CACNA1B: variants seen among roughly 807,000 people sequenced by gnomAD.
CACNA1B encodes calcium voltage-gated channel subunit alpha1 B.
CACNA1B carries 70 observed loss-of-function variants against 247.2 expected under a neutral mutation model. That is an observed-to-expected ratio of 0.28 (90% confidence interval 0.23 to 0.35). The LOEUF (loss-of-function observed/expected upper bound fraction) is 0.35. Ranked by LOEUF, CACNA1B falls within the 10% of genes least tolerant of loss-of-function variation. CACNA1B has a pLI of 1.00. For synonymous variants in CACNA1B, 1,231 were observed against 1,294.4 expected, an observed-to-expected ratio of 0.95 and a Z score of 1.05; for missense variants, 2,367 against 3,197.4, an observed-to-expected ratio of 0.74 and a Z score of 6.26.
At chr9:137,893,578 G>A (rs1957135503) in intron 3 of CACNA1B, among the ~76,000 whole-genome samples, 1 of 151,418 alleles carries the variant, frequency 6.6e-6, no homozygotes, top group African/African-American at 2.4e-5. Flanking sequence ...TTGAACCCAG[G>A]AGGCGAAGCT....
In CACNA1B at chr9:138,102,811, G is replaced by T; in HGVS notation, c.5319+4G>T. ...CCCTGCTCGAGTTGCTTACAAGGTA[G>T]ACCCTGACCCTGCAACCCGCCCCCC... On this transcript the variant is annotated splice_donor_region_variant and intron_variant, in intron 38 of 46. Transcript: ENST00000371372. The surrounding 1 kb of genome is among the most constrained non-coding windows in gnomAD (Gnocchi z 5.4). 1 of 1,587,118 alleles carries T rather than the reference G, an allele frequency of 6.3e-7. No individual in the cohort carries two copies. Among genetic ancestry groups the T allele is most frequent in the Non-Finnish European group, 8.6e-7 (1 of 1,157,242 alleles).
intron 11 of CACNA1B, among the ~76,000 whole-genome samples, chr9:137,972,031 G>C (rs181987686): frequency 2.0e-5 from 3 of 152,242 alleles, no homozygotes; most frequent in Admixed American, 6.5e-5. Context: ...GGTTCCTGAG[G>C]GGGGAGTCCT....
Position 138,081,367 on chromosome 9 carries a change from C to T in CACNA1B, c.5094+3109C>T, listed in dbSNP as rs1263218861. Among the ~76,000 whole-genome samples, 6 of 152,358 alleles carry T rather than the reference C, an allele frequency of 3.9e-5. No homozygotes were observed. In the South Asian group the frequency reaches 8.3e-4, roughly 21 times the overall value. Reference sequence around the variant, plus strand: ...CATGGTTCTTGGCTAACCCTGGTGTCTCCTTACTGAAACTGTAATCCTAAT... The same window carrying T: ...CATGGTTCTTGGCTAACCCTGGTGTTTCCTTACTGAAACTGTAATCCTAAT... On this transcript the variant is annotated intron_variant, in intron 36 of 46. Transcript: ENST00000371372.
At chr9:138,103,839 G>T (rs1195668686) in intron 38 of CACNA1B, among the ~76,000 whole-genome samples, 2 of 152,234 alleles carry the variant, frequency 1.3e-5, no homozygotes, top group Non-Finnish European at 2.9e-5. Flanking sequence ...GTCCACACTG[G>T]CTCTGTGCCC....
At position 137,913,306 on chromosome 9, in the gene CACNA1B, G is replaced by C; in HGVS notation, c.622+35G>C. The stretch of plus-strand genomic sequence containing the variant: ...GCGAAGACAGGCCCAAGCCGGCTTG[G>C]AGTAACAACCTCCTCTCCTACCCTC... On this transcript the variant is annotated intron_variant, in intron 4 of 46. Coordinates refer to ENST00000371372, the MANE Select transcript of CACNA1B (RefSeq NM_000718.4). This position sits in a 1 kb window ranked among gnomAD's most constrained non-coding sequence, Gnocchi z 5.2. The C allele has an allele frequency of 6.6e-7, 1 of 1,523,282 alleles. No homozygotes were observed. The highest frequency in any genetic ancestry group is 9.1e-7 in the Non-Finnish European group (1 of 1,098,298). The allele number at this position is 1,523,282 out of a possible 1,614,324, so 94.4% of individuals were successfully genotyped here. A position where few individuals can be genotyped will look rare whatever the true frequency, so the allele number is the denominator to read the frequency against.
chr9:138,123,922 C>T lies in CACNA1B; in HGVS notation c.*1923C>T, dbSNP rs1211416615. The T allele has an allele frequency of 6.6e-6, 1 of 152,148 alleles. No individual in the cohort carries two copies. The highest frequency in any genetic ancestry group is 1.5e-5 in the Non-Finnish European group (1 of 68,034). The allele number at this position is 152,148 out of a possible 1,614,324, so 9.4% of individuals were successfully genotyped here. On this transcript the variant is annotated 3_prime_UTR_variant, in exon 47 of 47. Transcript: ENST00000371372. ...ACGTTTTGTCTCTTGTTCCCCAGCC[C>T]CCAGCCCATGTTATCTTGGGTGTCG...
Position 138,112,981 on chromosome 9 carries a change from A to G in CACNA1B, c.5536+476A>G, listed in dbSNP as rs145216615. 1.9e-3 allele frequency among the ~76,000 whole-genome samples: 278 copies of G among 145,408 alleles called. 1 individual carries two copies. Among genetic ancestry groups the G allele is most frequent in the African/African-American group, 6.8e-3 (261 of 38,554 alleles). On this transcript the variant is annotated intron_variant, in intron 40 of 46. Coordinates refer to ENST00000371372, the MANE Select transcript of CACNA1B (RefSeq NM_000718.4). ...GTGAGGGAGCATGGGGAGGTGCCCA[A>G]CTGCATCTCGTGGGAGACGTGAGGG...
In CACNA1B at chr9:137,971,699, C is replaced by G. The variant is rs969647420; in HGVS notation, c.1543+107C>G. On this transcript the variant is annotated intron_variant, in intron 11 of 46. Transcript: ENST00000371372. The surrounding 1 kb of genome is among the most constrained non-coding windows in gnomAD (Gnocchi z 4.4). ...TACCCCAGGTGGGACGGGACCCACC[C>G]CCATGTTGCTCAAAGTATCCCACAG... is the stretch of plus-strand genomic sequence containing the variant. The G allele has an allele frequency of 4.4e-6, 4 of 901,428 alleles. No individual in the cohort carries two copies. In the African/African-American group the frequency reaches 6.6e-5, roughly 15 times the overall value. The allele number at this position is 901,428 out of a possible 1,614,324, so 55.8% of individuals were successfully genotyped here. A position where few individuals can be genotyped will look rare whatever the true frequency, so the allele number is the denominator to read the frequency against.
At chr9:137,918,876 G>T (rs1957446885) in intron 6 of CACNA1B, among the ~76,000 whole-genome samples, 1 of 152,228 alleles carries the variant, frequency 6.6e-6, no homozygotes, top group Admixed American at 6.5e-5. Flanking sequence ...CTGATGACAG[G>T]CTTGTGTGAT....
chr9:138,061,919 G>C (rs116311852), intron 31 of CACNA1B, among the ~76,000 whole-genome samples: 2,412 of 152,350 alleles, frequency 0.016, 55 homozygotes, highest in African/African-American at 0.055. Context: ...ATGCTGCTGA[G>C]AGGCTCTTGG....
In CACNA1B at chr9:137,882,531, C is replaced by A. The variant is rs1194685138; in HGVS notation, c.391-213C>A. On this transcript the variant is annotated intron_variant, in intron 2 of 46. Coordinates refer to ENST00000371372, the MANE Select transcript of CACNA1B (RefSeq NM_000718.4). This position sits in a 1 kb window ranked among gnomAD's most constrained non-coding sequence, Gnocchi z 4.0. ...TGTTGCTGCTGTAAACAGTGGTGTC[C>A]CCATTAGGGGACATGTGCAGACAGC... Among the ~76,000 whole-genome samples the A allele has an allele frequency of 1.3e-5, 2 of 152,112 alleles. No individual in the cohort carries two copies. The highest frequency in any genetic ancestry group is 4.8e-5 in the African/African-American group (2 of 41,430).
chr9:137,946,890 G>T (rs188638135), intron 6 of CACNA1B, among the ~76,000 whole-genome samples: 235 of 152,262 alleles, frequency 1.5e-3, no homozygotes, highest in Non-Finnish European at 3.0e-3. Context: ...TTACCGGGGG[G>T]GTCTTGACTA....
chr9:138,047,373 G>C, intron 22 of CACNA1B, 26 bp from the exon 23 acceptor site: 2 of 1,580,504 alleles, frequency 1.3e-6, no homozygotes, highest in Non-Finnish European at 1.7e-6. Context: ...CCCAGCCTTT[G>C]AGAATAACCT....
intron 20 of CACNA1B, among the ~76,000 whole-genome samples, chr9:138,028,118 G>A (rs529892924): frequency 6.8e-6 from 1 of 147,266 alleles, no homozygotes; most frequent in Non-Finnish European, 1.5e-5. Flanking sequence ...TGCCTCCCAG[G>A]TTCAAGCAAT....
chr9:138,093,094 T>C (rs1326516419), intron 36 of CACNA1B, among the ~76,000 whole-genome samples: 1 of 151,926 alleles, frequency 6.6e-6, no homozygotes, highest in African/African-American at 2.4e-5. Flanking sequence ...CCCAGTAGAA[T>C]TGGTATTACT....
rs1391718173 is a variant in CACNA1B at position 138,051,893 on chromosome 9, C to G, written c.3711-199C>G. 1.3e-5 allele frequency among the ~76,000 whole-genome samples: 2 copies of G among 152,132 alleles called. No homozygotes were observed. The highest frequency in any genetic ancestry group is 2.4e-5 in the African/African-American group (1 of 41,424). Reference sequence around the variant, plus strand: ...CCCCAGCTCCTGTCCTTAGATGAGGCCCGGGCCAGGCAGCCCCTGGGAAGA... The same window carrying G: ...CCCCAGCTCCTGTCCTTAGATGAGGGCCGGGCCAGGCAGCCCCTGGGAAGA... On this transcript the variant is annotated intron_variant, in intron 24 of 46. Transcript: ENST00000371372. This position sits in a 1 kb window ranked among gnomAD's most constrained non-coding sequence, Gnocchi z 4.3.
chr9:138,093,332 C>T (rs867017186), intron 36 of CACNA1B, among the ~76,000 whole-genome samples: 11 of 139,044 alleles, frequency 7.9e-5, no homozygotes, highest in South Asian at 2.4e-4. Context: ...GCATGAGAAT[C>T]GCTTGAACCC....
At position 137,907,966 on chromosome 9, in the gene CACNA1B, C is replaced by T. The variant is rs533935664; in HGVS notation, c.531-5214C>T. ...TTTCCATGATTTGGAACGGCGCCAC[C>T]GCCTTTGTCAAACACCCGGTTTCAT... On this transcript the variant is annotated intron_variant, in intron 3 of 46. Coordinates refer to ENST00000371372, the MANE Select transcript of CACNA1B (RefSeq NM_000718.4). Among the ~76,000 whole-genome samples, 7 of 152,328 alleles carry T rather than the reference C, an allele frequency of 4.6e-5. No homozygotes were observed. The East Asian group carries it at 9.6e-4, about 21-fold the overall frequency.
chr9:137,996,678 T>C (rs968491943), intron 15 of CACNA1B, among the ~76,000 whole-genome samples: 6 of 152,176 alleles, frequency 3.9e-5, no homozygotes, highest in African/African-American at 1.4e-4. Flanking sequence ...AAAAATTTAA[T>C]AATTAAAAAT....
Sources: gnomAD v4.1 joint callset for allele counts (sites outside exome capture counted in the v4.1 genomes callset) on GRCh38, gnomAD v4.1.1 for gene constraint, Gnocchi (gnomAD v3.1) non-coding constraint, MANE v1.5 for transcripts, NCBI Gene and HGNC (gene_info 2026-07-23, HGNC 2026-07-21) for gene names.